The following CNTN1 variants were observed in gnomAD, a reference collection of about 807,000 sequenced individuals.
CNTN1 encodes contactin 1, also known as contactin-1.
A neutral mutation model predicts 126.4 loss-of-function variants in CNTN1; 38 were observed. The observed-to-expected ratio is 0.30, with a 90% CI of 0.23 to 0.39. The LOEUF (loss-of-function observed/expected upper bound fraction) is 0.39, where lower values mean the gene tolerates loss of function less well. Among genes scored for constraint, CNTN1 ranks in the 10% least tolerant of loss-of-function variants. The pLI is 1.00. For synonymous variants in CNTN1, 413 were observed against 422.6 expected (o/e 0.98, Z 0.28); for missense variants, 1,009 against 1,248.4 (o/e 0.81, Z 2.89).
chr12:40,926,828 T>C (rs10784952), intron 6 of CNTN1, among the ~76,000 whole-genome samples: 20,700 of 152,088 alleles, frequency 0.14, 1,485 homozygotes, highest in African/African-American at 0.18. Context: ...GAAAAGCCAA[T>C]AGGATTTGCT....
chr12:40,695,277 A>G (rs548944790), intron 1 of CNTN1, among the ~76,000 whole-genome samples: 6 of 152,284 alleles, frequency 3.9e-5, no homozygotes, highest in Admixed American at 3.9e-4. Flanking sequence ...TTTTTTTGGT[A>G]GAAGGCTATG....
rs868487853 is a variant in CNTN1 at position 40,925,589 on chromosome 12, A to G, written c.496+937A>G. On this transcript the variant is annotated intron_variant, in intron 6 of 23. Transcript: ENST00000551295. ...TATATACGTATATACGTATATATACATGTATATATATATATACGTGTATAT... is the reference window on the plus strand; with the variant it reads ...TATATACGTATATACGTATATATACGTGTATATATATATATACGTGTATAT... Among the ~76,000 whole-genome samples, 835 of 132,798 alleles carry G rather than the reference A, an allele frequency of 6.3e-3. 3 individuals are homozygous for G. Among genetic ancestry groups the G allele is most frequent in the African/African-American group, 0.012 (413 of 33,854 alleles). 87.1% of individuals were successfully genotyped at this position (132,798 alleles called of 152,430 possible).
chr12:40,788,533 A>G (rs1592088010), intron 1 of CNTN1, among the ~76,000 whole-genome samples: 1 of 152,084 alleles, frequency 6.6e-6, no homozygotes, highest in African/African-American at 2.4e-5. Flanking sequence ...CAGCAGCCTC[A>G]GTCAAGAACA....
In CNTN1 at chr12:40,898,603, C is replaced by T. The variant is rs1170376742; in HGVS notation, c.-76-9754C>T. On this transcript the variant is annotated intron_variant, in intron 1 of 23. Coordinates refer to ENST00000551295, the MANE Select transcript of CNTN1 (RefSeq NM_001843.4). The stretch of plus-strand genomic sequence containing the variant: ...GCCTAAATAATTTTGGTATGAATCA[C>T]TTATCAGTTTAAGTACTGATACAAT... Among the ~76,000 whole-genome samples, 3 of 152,114 alleles carry T rather than the reference C, an allele frequency of 2.0e-5. No individual in the cohort carries two copies. In the East Asian group the frequency reaches 5.8e-4, roughly 29 times the overall value.
intron 4 of CNTN1, 104 bp downstream of exon 4, chr12:40,918,875 C>T: frequency 1.4e-6 from 2 of 1,381,742 alleles, no homozygotes; most frequent in Non-Finnish European, 2.1e-6. Context: ...TCTGCAAATT[C>T]CATGGACATT....
intron 3 of CNTN1, among the ~76,000 whole-genome samples, chr12:40,916,960 A>T (rs1945267342): frequency 6.7e-6 from 1 of 148,824 alleles, no homozygotes. Flanking sequence ...ATTGAATAAA[A>T]GTTTCAGCAA....
chr12:40,908,170 T>G (rs1376577604), intron 1 of CNTN1, among the ~76,000 whole-genome samples, 187 bp from the exon 2 acceptor site: 1 of 152,190 alleles, frequency 6.6e-6, no homozygotes, highest in East Asian at 1.9e-4. Flanking sequence ...TACAAATATA[T>G]TTAAATAAAT....
At chr12:40,995,898 T>C (rs1320446006) in intron 17 of CNTN1, among the ~76,000 whole-genome samples, 1 of 152,216 alleles carries the variant, frequency 6.6e-6, no homozygotes, top group African/African-American at 2.4e-5. Flanking sequence ...TTGCATTGCT[T>C]AAGTTAATTC....
chr12:40,870,155 G>A (rs942613044), intron 1 of CNTN1, among the ~76,000 whole-genome samples: 1 of 151,756 alleles, frequency 6.6e-6, no homozygotes, highest in Non-Finnish European at 1.5e-5. Flanking sequence ...GGAACTCTAA[G>A]TCCAATAAAT....
intron 14 of CNTN1, among the ~76,000 whole-genome samples, chr12:40,952,373 A>G (rs1418508495): frequency 6.6e-6 from 1 of 152,178 alleles, no homozygotes; most frequent in Non-Finnish European, 1.5e-5. Flanking sequence ...ATAATTACAT[A>G]AATTGAATAA....
At position 40,936,770 on chromosome 12, in the gene CNTN1, T is replaced by C; in HGVS notation, c.986-11T>C. 1 of 1,612,716 alleles carries C rather than the reference T, an allele frequency of 6.2e-7. No individual in the cohort carries two copies. Among genetic ancestry groups the C allele is most frequent in the Non-Finnish European group, 8.5e-7 (1 of 1,178,968 alleles). On this transcript the variant is annotated splice_polypyrimidine_tract_variant and intron_variant, in intron 9 of 23. Transcript: ENST00000551295. Reference sequence around the variant, plus strand: ...CTTCATTTAACATTTACAATGTTCCTTACTTTTTAGCATTCCCTGAGTGGG... The same window carrying C: ...CTTCATTTAACATTTACAATGTTCCCTACTTTTTAGCATTCCCTGAGTGGG...
intron 15 of CNTN1, among the ~76,000 whole-genome samples, chr12:40,975,536 TGATA>T (rs1947650097): frequency 6.6e-6 from 1 of 152,058 alleles, no homozygotes; most frequent in Non-Finnish European, 1.5e-5. Context: ...ACAAGGACTT[TGATA>T]GATCATTATT....
chr12:41,043,117 A>C (rs1304059960), intron 23 of CNTN1, among the ~76,000 whole-genome samples: 1 of 152,194 alleles, frequency 6.6e-6, no homozygotes, highest in Admixed American at 6.5e-5. Flanking sequence ...AAAACACCAA[A>C]AGCAATGGCA....
intron 1 of CNTN1, among the ~76,000 whole-genome samples, chr12:40,831,075 CTATACATATACTATA>C (rs1941820979): frequency 7.2e-6 from 1 of 139,792 alleles, no homozygotes. Context: ...AGTATATATA[CTATACATATACTATA>C]TATACTATAC....
intron 16 of CNTN1, 129 bp from the exon 17 acceptor site, chr12:40,992,991 A>T (rs1948128935): frequency 1.3e-6 from 1 of 761,820 alleles, no homozygotes; most frequent in South Asian, 1.7e-5. Flanking sequence ...TGTCATTCCT[A>T]GTTGTAGTTT....
At chr12:40,693,874 A>G (rs895975919) in intron 1 of CNTN1, among the ~76,000 whole-genome samples, 2 of 152,168 alleles carry the variant, frequency 1.3e-5, no homozygotes, top group African/African-American at 2.4e-5. Flanking sequence ...ATGTTTTTGT[A>G]ACTCACGTAA....
chr12:40,918,362 C>T (rs1481022758), intron 3 of CNTN1, among the ~76,000 whole-genome samples: 3 of 152,038 alleles, frequency 2.0e-5, no homozygotes, highest in African/African-American at 7.2e-5. Context: ...TATGCGGAGG[C>T]TCAGGGGCAT....
chr12:40,873,521 A>G (rs904525371), intron 1 of CNTN1, among the ~76,000 whole-genome samples: 2 of 152,194 alleles, frequency 1.3e-5, no homozygotes, highest in Non-Finnish European at 2.9e-5. Flanking sequence ...TTTTTAAACC[A>G]AAACATGTAA....
chr12:40,707,350 G>A (rs1035508858), intron 1 of CNTN1, among the ~76,000 whole-genome samples: 13 of 147,382 alleles, frequency 8.8e-5, no homozygotes, highest in African/African-American at 3.3e-4. Context: ...CTGGGTTCGC[G>A]CCATTCTCCT....
Sources: gnomAD v4.1 joint callset for allele counts (sites outside exome capture counted in the v4.1 genomes callset) on GRCh38, gnomAD v4.1.1 for gene constraint, MANE v1.5 for transcripts, NCBI Gene and HGNC (gene_info 2026-07-23, HGNC 2026-07-21) for gene names.